Variants in COL5A2 observed in about 807,000 individuals in gnomAD.
The protein encoded by COL5A2 is collagen type V alpha 2 chain.
COL5A2 carries 23 observed loss-of-function variants against 208.2 expected under a neutral mutation model. The observed-to-expected ratio is 0.11, with a 90% CI of 0.08 to 0.16. The LOEUF is 0.16. Ranked by LOEUF, COL5A2 falls within the 10% of genes least tolerant of loss-of-function variation. The pLI, the probability that COL5A2 is intolerant of heterozygous loss-of-function variation, is 1.00. For missense variants in COL5A2, 1,590 were observed against 1,956.4 expected (o/e 0.81, Z 3.53); for synonymous variants, 625 against 628.5 (o/e 0.99, Z 0.08).
intron 1 of COL5A2, among the ~76,000 whole-genome samples, chr2:189,140,293 G>A (rs968013911): frequency 6.6e-6 from 1 of 152,108 alleles, no homozygotes; most frequent in African/African-American, 2.4e-5. Flanking sequence ...TCCAGCAATT[G>A]TAAACAGAAA....
At chr2:189,342,623 G>A in the COL5A2 span, among the ~76,000 whole-genome samples, 2 of 137,360 alleles carry the variant, frequency 1.5e-5, no homozygotes, top group Non-Finnish European at 3.1e-5. Context: ...AGAGGCTACA[G>A]TGTTACAGAG....
At chr2:189,179,826 C>G (rs1354114301), upstream of COL5A2, 24 of 671,834 alleles carry the variant, frequency 3.6e-5, no homozygotes, top group Non-Finnish European at 6.0e-5. Context: ...CTTTTCCTGC[C>G]CCTTTTCAGC....
At chr2:189,383,825 C>T in the COL5A2 span, among the ~76,000 whole-genome samples, 1 of 151,852 alleles carries the variant, frequency 6.6e-6, no homozygotes, top group Admixed American at 6.6e-5. Flanking sequence ...CTATCGTTGC[C>T]CTATTGCACT....
At chr2:189,212,609 A>T (rs959451983) in intron 1 of COL5A2, among the ~76,000 whole-genome samples, 3 of 151,148 alleles carry the variant, frequency 2.0e-5, no homozygotes, top group Non-Finnish European at 4.4e-5. Flanking sequence ...ACTTCACTCC[A>T]GCCTGGGCAA....
chr2:189,111,299 C>T (rs1001866530), intron 1 of COL5A2, among the ~76,000 whole-genome samples: 1 of 152,110 alleles, frequency 6.6e-6, no homozygotes, highest in African/African-American at 2.4e-5. Context: ...CAAGTAAACA[C>T]ATATATTACA....
chr2:189,082,754 G>A (rs372229878), intron 12 of COL5A2, among the ~76,000 whole-genome samples: 2 of 152,142 alleles, frequency 1.3e-5, no homozygotes, highest in Non-Finnish European at 2.9e-5. Context: ...GTGCTGGCAG[G>A]GCACCCTTCC....
chr2:189,403,197 T>A, the COL5A2 span, among the ~76,000 whole-genome samples: 7 of 152,288 alleles, frequency 4.6e-5, 1 homozygote, highest in East Asian at 1.4e-3. Context: ...TCATTCGTGA[T>A]TTGGCTCTTG....
chr2:189,396,460 T>A, the COL5A2 span, among the ~76,000 whole-genome samples: 1 of 135,832 alleles, frequency 7.4e-6, no homozygotes, highest in Admixed American at 7.7e-5. Context: ...AATCACGAGG[T>A]CAGGAGATTG....
chr2:189,211,443 C>T (rs1370243675), intron 1 of COL5A2, among the ~76,000 whole-genome samples: 6 of 152,114 alleles, frequency 3.9e-5, no homozygotes, highest in Non-Finnish European at 7.4e-5. Context: ...ATGATAAGTA[C>T]TGCACTGTTA....
the COL5A2 span, among the ~76,000 whole-genome samples, chr2:189,437,187 T>C: frequency 1.3e-5 from 2 of 152,196 alleles, no homozygotes; most frequent in African/African-American, 4.8e-5. Flanking sequence ...CCTCCAGGGC[T>C]GTTGAGATAA....
rs1177939188 is a variant in COL5A2 at position 189,064,455 on chromosome 2, C to G, written c.1716+102G>C. On this transcript the variant is annotated intron_variant, in intron 25 of 53. Transcript: ENST00000374866. Reference sequence around the variant, plus strand: ...CATAAAAACAAAGAAATGTTCTAAACTGTAAAAACAAACTAAATTTAAAAA... The same window carrying G: ...CATAAAAACAAAGAAATGTTCTAAAGTGTAAAAACAAACTAAATTTAAAAA... 6 of 818,404 alleles carry G rather than the reference C, an allele frequency of 7.3e-6. No individual in the cohort carries two copies. The Admixed American group carries it at 1.2e-4, about 16-fold the overall frequency. 50.7% of individuals were successfully genotyped at this position (818,404 alleles called of 1,614,324 possible).
intron 1 of COL5A2, among the ~76,000 whole-genome samples, chr2:189,213,902 A>C (rs1689246808): frequency 6.6e-6 from 1 of 152,224 alleles, no homozygotes; most frequent in African/African-American, 2.4e-5. Flanking sequence ...GTACGTCTTG[A>C]TCTGGGTATA....
chr2:189,243,543 A>G, the COL5A2 span, among the ~76,000 whole-genome samples: 1 of 152,114 alleles, frequency 6.6e-6, no homozygotes, highest in African/African-American at 2.4e-5. Flanking sequence ...ACCCACCCCT[A>G]TGATTCAACT....
At chr2:189,126,032 T>A (rs1687601456) in intron 1 of COL5A2, among the ~76,000 whole-genome samples, 1 of 152,122 alleles carries the variant, frequency 6.6e-6, no homozygotes, top group Non-Finnish European at 1.5e-5. Flanking sequence ...TATACTACTT[T>A]ATACCAGCCT....
At chr2:189,305,646 A>C in the COL5A2 span, among the ~76,000 whole-genome samples, 1 of 152,166 alleles carries the variant, frequency 6.6e-6, no homozygotes, top group Admixed American at 6.5e-5. Context: ...AAATGAACTC[A>C]GATAGCTGCT....
the COL5A2 span, among the ~76,000 whole-genome samples, chr2:189,246,530 T>A: frequency 6.6e-6 from 1 of 152,196 alleles, no homozygotes; most frequent in African/African-American, 2.4e-5. Context: ...GAGGTAACGC[T>A]GAGAATTTTA....
chr2:189,139,544 A>T (rs1687894990), intron 1 of COL5A2, among the ~76,000 whole-genome samples: 1 of 152,218 alleles, frequency 6.6e-6, no homozygotes, highest in Admixed American at 6.5e-5. Flanking sequence ...TAAATGTAAT[A>T]TGGGATCCTG....
At chr2:189,383,161 C>T in the COL5A2 span, among the ~76,000 whole-genome samples, 1 of 152,110 alleles carries the variant, frequency 6.6e-6, no homozygotes, top group Non-Finnish European at 1.5e-5. Context: ...AACGAAATAC[C>T]ACAGAATGGG....
the COL5A2 span, among the ~76,000 whole-genome samples, chr2:189,329,150 A>G: frequency 6.6e-6 from 1 of 152,228 alleles, no homozygotes; most frequent in Admixed American, 6.5e-5. Context: ...GCCTTAAAAA[A>G]GAAGGAAACC....
Sources: allele counts gnomAD v4.1 joint callset (sites outside exome capture counted in the v4.1 genomes callset), GRCh38; gene constraint gnomAD v4.1.1; transcripts MANE v1.5; gene names NCBI Gene and HGNC (gene_info 2026-07-23, HGNC 2026-07-21).